FYCO1: variants seen among roughly 807,000 people sequenced by gnomAD.
FYCO1 encodes the protein FYVE and coiled-coil domain-containing protein 1.
FYCO1 carries 122 observed loss-of-function variants against 165.1 expected under a neutral mutation model. The ratio of observed to expected loss-of-function variants is 0.74; its 90% CI spans 0.64 to 0.86. The LOEUF (loss-of-function observed/expected upper bound fraction) is 0.86. Among genes scored for constraint, FYCO1 ranks in the 40% least tolerant of loss-of-function variants. FYCO1 has a pLI of 0.00. For synonymous variants in FYCO1, 648 were observed against 742.5 expected (o/e 0.87, Z 2.07); for missense variants, 1,702 against 1,810.3 (o/e 0.94, Z 1.09).
chr3:45,981,675 A>G lies in FYCO1; in HGVS notation c.57T>C (p.Asp19=). The change falls in exon 3 of 18, where the codon GAT becomes GAC. Residue 19 remains aspartate (D), a splice_region_variant and synonymous_variant. Transcript: ENST00000296137. The stretch of plus-strand genomic sequence containing the variant: ...ATTCTTTGCTTAGTTCTGTCACAGC[A>G]TCTTTAAGACAACAAATAGGAACAT... ...QLQRIIRDLQ[D]AVTELSKEFQ... 1 of 1,604,100 alleles carries G rather than the reference A, an allele frequency of 6.2e-7. No individual in the cohort carries two copies. The highest frequency in any genetic ancestry group is 8.5e-7 in the Non-Finnish European group (1 of 1,170,796).
rs1215992692 is a variant in FYCO1, at chr3:45,934,581, G to T, written c.4040+1867C>A. Among the ~76,000 whole-genome samples the T allele has an allele frequency of 2.0e-5, 3 of 152,222 alleles. No homozygotes were observed. In the East Asian group the frequency reaches 5.8e-4, roughly 29 times the overall value. On this transcript the variant is annotated intron_variant, in intron 15 of 17. Coordinates refer to ENST00000296137, the MANE Select transcript of FYCO1 (RefSeq NM_024513.4). ...TGTCAAATCCAGCAGTGTGTGAAAA[G>T]AATTATATACCACAGCCAGTGGGAT...
At chr3:45,960,008 A>C (rs1286268377) in intron 11 of FYCO1, among the ~76,000 whole-genome samples, 3 of 152,184 alleles carry the variant, frequency 2.0e-5, no homozygotes, top group Non-Finnish European at 1.5e-5. Context: ...GAGAAGATCA[A>C]AGATTTCCTA....
chr3:45,973,613 C>A (rs1315783128), intron 5 of FYCO1, among the ~76,000 whole-genome samples: 1 of 152,180 alleles, frequency 6.6e-6, no homozygotes, highest in East Asian at 1.9e-4. Context: ...AAACTCACTG[C>A]TAATTTCTGT....
chr3:45,937,473 CTG>C (rs1378132992), intron 14 of FYCO1, among the ~76,000 whole-genome samples: 2 of 152,238 alleles, frequency 1.3e-5, no homozygotes, highest in African/African-American at 4.8e-5. Flanking sequence ...AGCACTGTGA[CTG>C]TGTGACTCAC....
chr3:45,936,176 A>G (rs1703877144), intron 15 of FYCO1, among the ~76,000 whole-genome samples: 1 of 152,178 alleles, frequency 6.6e-6, no homozygotes, highest in South Asian at 2.1e-4. Flanking sequence ...GTGTGGGAGG[A>G]ATATTATAAA....
chr3:45,980,480 T>C (rs914925687), intron 3 of FYCO1, among the ~76,000 whole-genome samples: 1 of 152,194 alleles, frequency 6.6e-6, no homozygotes, highest in African/African-American at 2.4e-5. Flanking sequence ...TTCAATATCG[T>C]TTTAATACAC....
intron 16 of FYCO1, among the ~76,000 whole-genome samples, chr3:45,927,563 G>C (rs2125792580): frequency 6.6e-6 from 1 of 152,338 alleles, no homozygotes; most frequent in African/African-American, 2.4e-5. Flanking sequence ...CAAGGCTGGA[G>C]GGGACAAAGG....
intron 17 of FYCO1, among the ~76,000 whole-genome samples, chr3:45,923,174 CT>C (rs1703167663): frequency 6.6e-6 from 1 of 152,264 alleles, no homozygotes; most frequent in South Asian, 2.1e-4. Flanking sequence ...TGGCCAGGGG[CT>C]TTGTGGTGCA....
At chr3:45,982,805 G>A (rs189465292) in intron 2 of FYCO1, among the ~76,000 whole-genome samples, 1 of 152,338 alleles carries the variant, frequency 6.6e-6, no homozygotes, top group Non-Finnish European at 1.5e-5. Context: ...AAATGGTGGA[G>A]ACAGGTTCTT....
chr3:45,954,101 C>CCTT (rs1705180233), intron 14 of FYCO1, among the ~76,000 whole-genome samples: 1 of 152,218 alleles, frequency 6.6e-6, no homozygotes, highest in African/African-American at 2.4e-5. Flanking sequence ...TCCTGGAACA[C>CCTT]CTTCCTCTGA....
In FYCO1 at chr3:45,973,236, A is replaced by G. The variant is rs1452940493; in HGVS notation, c.396-5T>C. 1.2e-6 allele frequency: 2 copies of G among 1,613,822 alleles called. No individual in the cohort carries two copies. The highest frequency in any genetic ancestry group is 1.7e-5 in the Admixed American group (1 of 60,008). ...CTTCTTGCATAGTACCAGTCACTGCAGAAAAACATGTCAATTATAAGAGTA... is the reference window on the plus strand; with the variant it reads ...CTTCTTGCATAGTACCAGTCACTGCGGAAAAACATGTCAATTATAAGAGTA... On this transcript the variant is annotated splice_polypyrimidine_tract_variant and splice_region_variant and intron_variant, in intron 5 of 17. Transcript: ENST00000296137.
chr3:45,984,867 C>G lies in FYCO1; in HGVS notation c.44G>C (p.Arg15Pro), dbSNP rs148420941. Residue 15 changes from arginine (R) to proline (P), a missense_variant, in exon 2 of 18, where the codon CGA becomes CCA. By Grantham distance (103) the Arg-to-Pro change is moderately radical. Coordinates refer to ENST00000296137, the MANE Select transcript of FYCO1 (RefSeq NM_024513.4). ...GCAACCTACCATACCTTGCAAGTCT[C>G]GGATGATTCTCTGGAGCTGGCTCTC... ...NAESQLQRII[R>P]DLQDAVTELS... 14 of 1,614,102 alleles carry G rather than the reference C, an allele frequency of 8.7e-6. No homozygotes were observed. The African/African-American group carries it at 1.7e-4, about 20-fold the overall frequency.
At chr3:45,985,177 G>C (rs1424816392) in intron 1 of FYCO1, among the ~76,000 whole-genome samples, 155 bp from the exon 2 acceptor site, 1 of 152,160 alleles carries the variant, frequency 6.6e-6, no homozygotes, top group African/African-American at 2.4e-5. Flanking sequence ...TTGTTCTGTG[G>C]GCACTCTCTG....
rs142754827 is a variant in FYCO1 at position 45,955,268 on chromosome 3, C to G, written c.3925G>C (p.Asp1309His). The change falls in exon 14 of 18, where the codon GAC (aspartate) becomes CAC (histidine). Residue 1309 changes from aspartate to histidine, a missense_variant. Transcript: ENST00000296137. ...ACTCACTGTTCAGCCGCATTTGGGT[C>G]GAGAGAATCAGTTTCAGTGGGTGTT... Reference protein sequence around the residue: ...PETPTETDSLDPNAAEQDTTS... With the variant: ...PETPTETDSLHPNAAEQDTTS... 1 of 1,614,018 alleles carries G rather than the reference C, an allele frequency of 6.2e-7. No individual in the cohort carries two copies. Among genetic ancestry groups the G allele is most frequent in the Non-Finnish European group, 8.5e-7 (1 of 1,180,030 alleles).
rs1376556094 is a variant in FYCO1, at chr3:45,921,369, G to C, written c.*396C>G. 1 of 327,156 alleles carries C rather than the reference G, an allele frequency of 3.1e-6. No individual in the cohort carries two copies. Among genetic ancestry groups the C allele is most frequent in the Admixed American group, 4.3e-5 (1 of 23,144 alleles). The allele number at this position is 327,156 out of a possible 1,614,324, so 20.3% of individuals were successfully genotyped here. On this transcript the variant is annotated 3_prime_UTR_variant, in exon 18 of 18. Transcript: ENST00000296137. ...TCAGTCTCCAACATGCAGGGCCCTG[G>C]TGGGGCAGGGCAGAAAATCTCTCCA...
Position 45,964,678 on chromosome 3 carries a change from G to T in FYCO1, c.3151-224C>A. 1 of 379,024 alleles carries T rather than the reference G, an allele frequency of 2.6e-6. No individual in the cohort carries two copies. Among genetic ancestry groups the T allele is most frequent in the Non-Finnish European group, 3.6e-6 (1 of 275,530 alleles). The allele number at this position is 379,024 out of a possible 1,614,324, so 23.5% of individuals were successfully genotyped here. ...AGTGGCAGGTACCAGAATTCCCAGG[G>T]TAACACTGAAGGTAGGGGTGGCAGG... On this transcript the variant is annotated intron_variant, in intron 9 of 17. Coordinates refer to ENST00000296137, the MANE Select transcript of FYCO1 (RefSeq NM_024513.4). This position sits in a 1 kb window ranked among gnomAD's most constrained non-coding sequence, Gnocchi z 4.1.
chr3:45,923,582 T>C (rs1269103415), intron 17 of FYCO1, 74 bp downstream of exon 17: 1 of 903,262 alleles, frequency 1.1e-6, no homozygotes, highest in Non-Finnish European at 1.9e-6. Context: ...TGGTTTTGAG[T>C]GTCCACCTCT....
chr3:45,955,184 G>C (rs1705239022), intron 14 of FYCO1, 65 bp downstream of exon 14: 1 of 1,568,602 alleles, frequency 6.4e-7, no homozygotes, highest in Non-Finnish European at 8.8e-7. Context: ...CTCATCCTTT[G>C]ATAAGAAAGC....
chr3:45,948,625 A>G (rs17078464), intron 14 of FYCO1, among the ~76,000 whole-genome samples: 13,291 of 152,258 alleles, frequency 0.087, 2,011 homozygotes, highest in African/African-American at 0.31. Context: ...TGTTTATTAA[A>G]TCCTGGCAGT....
Sources: gnomAD v4.1 joint callset for allele counts (sites outside exome capture counted in the v4.1 genomes callset) on GRCh38, gnomAD v4.1.1 for gene constraint, Gnocchi (gnomAD v3.1) non-coding constraint, MANE v1.5 for transcripts, NCBI Gene and HGNC (gene_info 2026-07-23, HGNC 2026-07-21) for gene names.